PZP: variants seen among roughly 807,000 people sequenced by gnomAD.
The protein encoded by PZP is pregnancy zone protein.
In PZP, 150 loss-of-function variants were observed where a neutral mutation model predicts 179.8. The observed-to-expected ratio is 0.83, with a 90% CI of 0.73 to 0.96. PZP has a LOEUF of 0.96. Ranked by LOEUF, PZP falls within the 40% of genes least tolerant of loss-of-function variation. The pLI is 0.00. For missense variants in PZP, 1,689 were observed against 1,764.0 expected (o/e 0.96, Z 0.76); for synonymous variants, 624 against 652.3 (o/e 0.96, Z 0.66).
At chr12:9,163,165 A>G (rs1941336215) in intron 21 of PZP, among the ~76,000 whole-genome samples, 2 of 152,004 alleles carry the variant, frequency 1.3e-5, no homozygotes, top group Admixed American at 6.6e-5. Context: ...ATCTTAGGAG[A>G]GAGGTGGAGA....
intron 29 of PZP, 46 bp downstream of exon 29, chr12:9,154,570 A>G (rs370968268): frequency 5.0e-5 from 78 of 1,555,498 alleles, no homozygotes; most frequent in South Asian, 5.0e-4. Flanking sequence ...AAGCCTCCCA[A>G]TTGCCAAGTG....
At chr12:9,175,612 A>G (rs1459224895) in intron 15 of PZP, among the ~76,000 whole-genome samples, 2 of 152,224 alleles carry the variant, frequency 1.3e-5, no homozygotes, top group Non-Finnish European at 2.9e-5. Context: ...AAACAAATTT[A>G]CAAGAAATAA....
chr12:9,197,833 A>G (rs1943912377), intron 7 of PZP, among the ~76,000 whole-genome samples: 1 of 69,898 alleles, frequency 1.4e-5, no homozygotes, highest in Middle Eastern at 7.6e-3. Flanking sequence ...TATATATTAT[A>G]CAATATATAA....
At chr12:9,205,117 A>G (rs1052853485) in intron 1 of PZP, among the ~76,000 whole-genome samples, 23 of 152,226 alleles carry the variant, frequency 1.5e-4, no homozygotes, top group African/African-American at 5.5e-4. Flanking sequence ...CAAAGTTTAT[A>G]TGAGTACTAA....
chr12:9,162,744 AATG>A, intron 21 of PZP, 96 bp from the exon 22 acceptor site: 1 of 990,270 alleles, frequency 1.0e-6, no homozygotes, highest in Admixed American at 2.2e-5. Flanking sequence ...GGTTTACACG[AATG>A]ATGTTTACCA....
intron 21 of PZP, among the ~76,000 whole-genome samples, chr12:9,163,452 C>CA (rs36052925): frequency 2.9e-4 from 40 of 136,420 alleles, no homozygotes; most frequent in South Asian, 4.6e-4. Flanking sequence ...AACTCCGTCT[C>CA]AAAAAAAAAA....
Position 9,170,868 on chromosome 12 carries a change from G to T in PZP, c.1840-1277C>A, listed in dbSNP as rs1941946187. ...TCTCTCCCTGGGACCGAGCTCCTGG[G>T]GGGCAGGGGTGTCTGCCATCTCTGC... On this transcript the variant is annotated intron_variant, in intron 15 of 35. Coordinates refer to ENST00000261336, the MANE Select transcript of PZP (RefSeq NM_002864.3). This position sits in a 1 kb window ranked among gnomAD's most constrained non-coding sequence, Gnocchi z 4.6. Among the ~76,000 whole-genome samples the T allele has an allele frequency of 6.6e-6, 1 of 152,150 alleles. No homozygotes were observed. Among genetic ancestry groups the T allele is most frequent in the Non-Finnish European group, 1.5e-5 (1 of 68,028 alleles).
At chr12:9,198,659 T>C (rs779470482) in intron 7 of PZP, among the ~76,000 whole-genome samples, 1 of 152,296 alleles carries the variant, frequency 6.6e-6, no homozygotes, top group South Asian at 2.1e-4. Context: ...TAGTCCTTTC[T>C]CTGATTAGAT....
At position 9,148,932 on chromosome 12, in the gene PZP, A is replaced by G. The variant is rs990929042; in HGVS notation, c.*40T>C. On this transcript the variant is annotated 3_prime_UTR_variant, in exon 36 of 36. Coordinates refer to ENST00000261336, the MANE Select transcript of PZP (RefSeq NM_002864.3). ...CTCCATTCCTTCTAAGTAAATGTAT[A>G]GGACAGAGAATCCACCAAAATATAC... 44 of 1,549,910 alleles carry G rather than the reference A, an allele frequency of 2.8e-5. No homozygotes were observed. Among genetic ancestry groups the G allele is most frequent in the Admixed American group, 1.2e-4 (7 of 59,444 alleles).
At chr12:9,173,650 C>G (rs1436526394) in intron 15 of PZP, among the ~76,000 whole-genome samples, 1 of 152,098 alleles carries the variant, frequency 6.6e-6, no homozygotes, top group Admixed American at 6.6e-5. Flanking sequence ...GGGAATATCA[C>G]CACTGACCTC....
chr12:9,151,647 C>T lies in PZP; in HGVS notation c.4238G>A (p.Arg1413Gln), dbSNP rs199878433. ...GACATGGTTGTTGCTCACTTCTGTCCGGCTCACAGAGCTAGATCTTTCAAG... is the reference window on the plus strand; with the variant it reads ...GACATGGTTGTTGCTCACTTCTGTCTGGCTCACAGAGCTAGATCTTTCAAG... ...KMLERSSSVS[R>Q]TEVSNNHVLI... Residue 1413 changes from arginine (R) to glutamine (Q), a missense_variant, in exon 33 of 36, where the codon CGG becomes CAG. Physicochemically the swap from Arg to Gln is conservative, Grantham distance 43. This residue lies in a region of PZP where 746 missense variants were observed against 749.2 expected (regional missense o/e 1.00). Coordinates refer to ENST00000261336, the MANE Select transcript of PZP (RefSeq NM_002864.3). 5.9e-5 allele frequency: 96 copies of T among 1,613,738 alleles called. No individual in the cohort carries two copies. The East Asian group carries it at 1.4e-3, about 23-fold the overall frequency.
chr12:9,150,119 A>C (rs761220124), intron 34 of PZP, among the ~76,000 whole-genome samples: 26 of 152,296 alleles, frequency 1.7e-4, no homozygotes, highest in African/African-American at 5.5e-4. Context: ...TGTCACTAAT[A>C]GTCTTTCCTG....
At position 9,154,504 on chromosome 12, in the gene PZP, T is replaced by C. The variant is rs773782730; in HGVS notation, c.3774+112A>G. ...CTCATGGTCCTCAAATATTCCTAAA[T>C]ACTTCTTCAATGATTTAATAATTGC... On this transcript the variant is annotated intron_variant, in intron 29 of 35. Transcript: ENST00000261336. 783 of 1,063,714 alleles carry C rather than the reference T, an allele frequency of 7.4e-4. 3 individuals carry two copies. Among genetic ancestry groups the C allele is most frequent in the Admixed American group, 2.6e-3 (102 of 39,976 alleles). The allele number at this position is 1,063,714 out of a possible 1,614,324, so 65.9% of individuals were successfully genotyped here.
At chr12:9,201,248 ATCTG>A (rs1049294572) in intron 5 of PZP, 75 bp downstream of exon 5, 239 of 1,352,814 alleles carry the variant, frequency 1.8e-4, no homozygotes, top group Admixed American at 6.3e-5. Flanking sequence ...AAAGTAGTTC[ATCTG>A]TCTAGAGTAT....
chr12:9,178,949 A>C (rs1379197327), intron 15 of PZP, among the ~76,000 whole-genome samples: 1 of 152,184 alleles, frequency 6.6e-6, no homozygotes, highest in Non-Finnish European at 1.5e-5. Context: ...AACTAGAATA[A>C]ACAAAAGAAA....
Position 9,208,283 on chromosome 12 carries a change from G to A in PZP, c.59C>T (p.Ala20Val). The A allele has an allele frequency of 6.2e-7, 1 of 1,613,532 alleles. No individual in the cohort carries two copies. The highest frequency in any genetic ancestry group is 8.5e-7 in the Non-Finnish European group (1 of 1,179,532). Residue 20 changes from alanine (A) to valine (V), a missense_variant, in exon 1 of 36, where the codon GCC becomes GTC. Physicochemically the swap from Ala to Val is moderately conservative, Grantham distance 64. Coordinates refer to ENST00000261336, the MANE Select transcript of PZP (RefSeq NM_002864.3). ...CGGTTCTGTAGAGTTTGAGTCACTG[G>A]CAGAAAGCAGGATAAGAAGTAGCAC... ...CLVLLLILLSASDSNSTEPQY... is the reference protein window; with the variant it reads ...CLVLLLILLSVSDSNSTEPQY...
At chr12:9,175,149 T>C (rs1942278422) in intron 15 of PZP, among the ~76,000 whole-genome samples, 1 of 152,078 alleles carries the variant, frequency 6.6e-6, no homozygotes, top group African/African-American at 2.4e-5. Flanking sequence ...AACTCAGAGA[T>C]AAAACCGCAA....
intron 28 of PZP, 55 bp from the exon 29 acceptor site, chr12:9,154,894 G>A (rs986885341): frequency 2.3e-5 from 34 of 1,486,388 alleles, no homozygotes; most frequent in Non-Finnish European, 3.1e-5. Context: ...AATTATAACT[G>A]GTAGATAAGA....
At chr12:9,197,272 C>T (rs1226179133) in intron 7 of PZP, 149 bp from the exon 8 acceptor site, 1 of 556,774 alleles carries the variant, frequency 1.8e-6, no homozygotes, top group African/African-American at 2.0e-5. Context: ...GAAAATGTCT[C>T]CCTCAAAAAT....
Sources: gnomAD v4.1 joint callset for allele counts (sites outside exome capture counted in the v4.1 genomes callset) on GRCh38, gnomAD v4.1.1 for gene constraint, gnomAD v4.1.1 regional missense constraint, Gnocchi (gnomAD v3.1) non-coding constraint, MANE v1.5 for transcripts, NCBI Gene and HGNC (gene_info 2026-07-23, HGNC 2026-07-21) for gene names.